Variants in EEFSEC observed in about 807,000 individuals in gnomAD.
EEFSEC encodes the protein selenocysteine-specific elongation factor.
In EEFSEC, 43 loss-of-function variants were observed where a neutral mutation model predicts 42.1. That is an observed-to-expected ratio of 1.02 (90% CI 0.80 to 1.32). EEFSEC has a LOEUF of 1.32. Among genes scored for constraint, EEFSEC ranks in the 40% most tolerant of loss-of-function variants. EEFSEC has a pLI of 0.00. For synonymous variants in EEFSEC, 354 were observed against 339.1 expected, an observed-to-expected ratio of 1.04 and a Z score of -0.48; for missense variants, 745 against 803.6, an observed-to-expected ratio of 0.93 and a Z score of 0.88.
intron 6 of EEFSEC, among the ~76,000 whole-genome samples, chr3:128,401,475 C>A (rs1487812332): frequency 6.6e-6 from 1 of 152,190 alleles, no homozygotes; most frequent in East Asian, 1.9e-4. Context: ...GGGCAGGGCA[C>A]CCAGGAGGAT....
intron 1 of EEFSEC, among the ~76,000 whole-genome samples, chr3:128,167,062 A>G (rs2065248595): frequency 6.6e-6 from 1 of 152,160 alleles, no homozygotes; most frequent in Non-Finnish European, 1.5e-5. Flanking sequence ...TCCAGGCCGA[A>G]TGAACCACAT....
the EEFSEC span, among the ~76,000 whole-genome samples, chr3:128,425,794 C>T: frequency 6.6e-6 from 1 of 152,122 alleles, no homozygotes; most frequent in Non-Finnish European, 1.5e-5. Context: ...TGGCTGTTGG[C>T]AAGGGCTCCA....
chr3:128,162,756 A>G (rs557802556), intron 1 of EEFSEC, among the ~76,000 whole-genome samples: 164 of 152,308 alleles, frequency 1.1e-3, no homozygotes, highest in South Asian at 5.0e-3. Context: ...AAATCAAAGA[A>G]TATTTTTGTA....
chr3:128,252,111 T>G (rs1009694488), intron 2 of EEFSEC, among the ~76,000 whole-genome samples: 10 of 152,220 alleles, frequency 6.6e-5, no homozygotes, highest in African/African-American at 2.4e-4. Context: ...AGACTCCCTT[T>G]GTGTTTCTTC....
intron 1 of EEFSEC, among the ~76,000 whole-genome samples, chr3:128,230,356 T>C (rs186424522): frequency 2.6e-5 from 4 of 152,318 alleles, no homozygotes; most frequent in Admixed American, 2.6e-4. Flanking sequence ...GGTCTCACTA[T>C]GTTGCCCAGA....
intron 6 of EEFSEC, among the ~76,000 whole-genome samples, chr3:128,374,591 G>C (rs6801556): frequency 0.12 from 17,706 of 152,054 alleles, 2,563 homozygotes; most frequent in African/African-American, 0.35. Flanking sequence ...GCTCAATAAA[G>C]GCACACTGAA....
intron 6 of EEFSEC, among the ~76,000 whole-genome samples, chr3:128,367,132 A>G (rs967234240): frequency 6.6e-6 from 1 of 152,192 alleles, no homozygotes; most frequent in African/African-American, 2.4e-5. Flanking sequence ...TTAGAACTCA[A>G]CCTAAAGACC....
intron 1 of EEFSEC, among the ~76,000 whole-genome samples, chr3:128,208,161 T>TG (rs1431521078): frequency 1.3e-5 from 2 of 152,148 alleles, no homozygotes; most frequent in Non-Finnish European, 2.9e-5. Context: ...GCCCACATAG[T>TG]GTGGGGCTGC....
At chr3:128,335,657 C>T (rs1170920386) in intron 4 of EEFSEC, among the ~76,000 whole-genome samples, 1 of 152,190 alleles carries the variant, frequency 6.6e-6, no homozygotes, top group Non-Finnish European at 1.5e-5. Flanking sequence ...AGGCAAACCC[C>T]AGGGTCACAT....
chr3:128,356,558 A>G (rs901261759), intron 5 of EEFSEC, among the ~76,000 whole-genome samples: 7 of 152,224 alleles, frequency 4.6e-5, no homozygotes, highest in Non-Finnish European at 1.0e-4. Context: ...GTGTGTGTGT[A>G]GAAGAAATGC....
intron 4 of EEFSEC, among the ~76,000 whole-genome samples, chr3:128,311,592 G>T (rs2066890647): frequency 6.6e-6 from 1 of 152,244 alleles, no homozygotes; most frequent in African/African-American, 2.4e-5. Context: ...GGCCCACGGA[G>T]CTAGTTTGGT....
chr3:128,210,861 C>G (rs2065748749), intron 1 of EEFSEC, among the ~76,000 whole-genome samples: 2 of 152,224 alleles, frequency 1.3e-5, no homozygotes, highest in African/African-American at 4.8e-5. Context: ...ATCAGGCCAG[C>G]TGGGCATCAC....
chr3:128,379,683 G>A (rs1042978368), intron 6 of EEFSEC, among the ~76,000 whole-genome samples: 2 of 152,158 alleles, frequency 1.3e-5, no homozygotes, highest in Admixed American at 6.5e-5. Flanking sequence ...CTTTCCTTGC[G>A]GCAATCGGAG....
chr3:128,223,828 GA>G (rs1360823840), intron 1 of EEFSEC, among the ~76,000 whole-genome samples: 1 of 152,058 alleles, frequency 6.6e-6, no homozygotes, highest in Non-Finnish European at 1.5e-5. Context: ...GAAAACAAGC[GA>G]AGAAAACAGG....
At chr3:128,367,584 A>G in intron 6 of EEFSEC, 1 of 967,662 alleles carries the variant, frequency 1.0e-6, no homozygotes, top group Non-Finnish European at 1.2e-6. Context: ...CTGTTTCCAC[A>G]AGGCCTACCT....
At chr3:128,233,970 A>C (rs369960051) in intron 1 of EEFSEC, among the ~76,000 whole-genome samples, 79 of 152,308 alleles carry the variant, frequency 5.2e-4, no homozygotes, top group African/African-American at 1.9e-3. Flanking sequence ...TTAAGCATGC[A>C]ATATGTGTTC....
At chr3:128,218,136 A>C (rs2065828049) in intron 1 of EEFSEC, among the ~76,000 whole-genome samples, 4 of 152,190 alleles carry the variant, frequency 2.6e-5, no homozygotes, top group Admixed American at 2.6e-4. Context: ...GAGTACACAG[A>C]GGTGCTCTCC....
chr3:128,187,246 G>A (rs1213020915), intron 1 of EEFSEC, among the ~76,000 whole-genome samples: 1 of 152,222 alleles, frequency 6.6e-6, no homozygotes, highest in Non-Finnish European at 1.5e-5. Context: ...TTCAGGGATA[G>A]ATACCTGAGC....
At chr3:128,267,075 G>T (rs376418110) in intron 4 of EEFSEC, among the ~76,000 whole-genome samples, 2 of 152,084 alleles carry the variant, frequency 1.3e-5, no homozygotes, top group African/African-American at 4.8e-5. Flanking sequence ...TCAAAAGAGG[G>T]CTCTCTGGGG....
Sources: gnomAD v4.1 joint callset for allele counts (sites outside exome capture counted in the v4.1 genomes callset) on GRCh38, gnomAD v4.1.1 for gene constraint, MANE v1.5 for transcripts, NCBI Gene and HGNC (gene_info 2026-07-23, HGNC 2026-07-21) for gene names.